The following CCDC91 variants were observed in gnomAD, a reference collection of about 807,000 sequenced individuals.
CCDC91 encodes the protein coiled-coil domain-containing protein 91.
A neutral mutation model predicts 63.2 loss-of-function variants in CCDC91; 48 were observed. The observed-to-expected ratio is 0.76, with a 90% CI of 0.60 to 0.97. The LOEUF (loss-of-function observed/expected upper bound fraction) is 0.97, where lower values mean the gene tolerates loss of function less well. CCDC91 is among the 50% of genes least tolerant of loss of function. The pLI, the probability that CCDC91 is intolerant of heterozygous loss-of-function variation, is 0.00. For missense variants in CCDC91, 500 were observed against 494.6 expected (o/e 1.01, Z -0.10); for synonymous variants, 167 against 165.8 (o/e 1.01, Z -0.06).
At chr12:28,260,016 C>T (rs1386606517) in intron 3 of CCDC91, among the ~76,000 whole-genome samples, 1 of 151,870 alleles carries the variant, frequency 6.6e-6, no homozygotes, top group East Asian at 1.9e-4. Context: ...AAAGTATTTT[C>T]TTCAACAGCT....
At chr12:28,229,748 C>G (rs1944474529) in intron 1 of CCDC91, among the ~76,000 whole-genome samples, 1 of 152,032 alleles carries the variant, frequency 6.6e-6, no homozygotes, top group Non-Finnish European at 1.5e-5. Flanking sequence ...GAGTCAGTTT[C>G]CTATCCCTAA....
chr12:28,268,886 C>T (rs1164219185), intron 3 of CCDC91, among the ~76,000 whole-genome samples: 1 of 152,164 alleles, frequency 6.6e-6, no homozygotes, highest in East Asian at 1.9e-4. Flanking sequence ...ACCTCCATCA[C>T]TCACTTCCTC....
intron 8 of CCDC91, among the ~76,000 whole-genome samples, chr12:28,447,993 C>G (rs1286703742): frequency 2.0e-5 from 3 of 151,960 alleles, no homozygotes; most frequent in African/African-American, 2.4e-5. Flanking sequence ...ATAGATTACT[C>G]TTATTCTGTT....
intron 12 of CCDC91, among the ~76,000 whole-genome samples, chr12:28,539,021 G>T (rs1470589551): frequency 6.6e-6 from 1 of 152,136 alleles, no homozygotes; most frequent in East Asian, 1.9e-4. Flanking sequence ...TTTGTCAGAT[G>T]AGTAGGTTGC....
intron 1 of CCDC91, among the ~76,000 whole-genome samples, chr12:28,248,588 T>C (rs1181367790): frequency 6.6e-6 from 1 of 152,122 alleles, no homozygotes; most frequent in Non-Finnish European, 1.5e-5. Context: ...GAGAAGTGTT[T>C]TGAGAAGAAA....
At chr12:28,413,309 T>G (rs1290290227) in intron 8 of CCDC91, among the ~76,000 whole-genome samples, 1 of 152,144 alleles carries the variant, frequency 6.6e-6, no homozygotes, top group Non-Finnish European at 1.5e-5. Context: ...AAAATATTCT[T>G]TCCCCACAGT....
At chr12:28,440,089 T>A (rs1351046665) in intron 8 of CCDC91, among the ~76,000 whole-genome samples, 2 of 152,194 alleles carry the variant, frequency 1.3e-5, no homozygotes, top group African/African-American at 4.8e-5. Flanking sequence ...TGGTATAGAT[T>A]TCAGTTAATT....
At chr12:28,502,835 G>C (rs1036038660) in intron 12 of CCDC91, among the ~76,000 whole-genome samples, 5 of 145,256 alleles carry the variant, frequency 3.4e-5, no homozygotes, top group African/African-American at 1.3e-4. Context: ...AATGGGGAAA[G>C]GATTCCATAT....
chr12:28,206,415 A>G (rs1942854552), intron 1 of CCDC91, among the ~76,000 whole-genome samples: 1 of 152,150 alleles, frequency 6.6e-6, no homozygotes, highest in African/African-American at 2.4e-5. Flanking sequence ...AGAGACCGTT[A>G]GATATTCTAG....
intron 11 of CCDC91, among the ~76,000 whole-genome samples, chr12:28,474,329 A>G (rs555367586): frequency 1.1e-4 from 17 of 152,290 alleles, no homozygotes; most frequent in African/African-American, 3.8e-4. Flanking sequence ...TTATTACTGC[A>G]TCACTATAGT....
chr12:28,415,664 T>TTTGTGTG (rs1947610755), intron 8 of CCDC91, among the ~76,000 whole-genome samples: 2 of 148,404 alleles, frequency 1.3e-5, no homozygotes, highest in African/African-American at 2.5e-5. Flanking sequence ...AGATATATAT[T>TTTGTGTG]TGTGTGTGTG....
In CCDC91 at chr12:28,549,292, G is replaced by T. The variant is rs1044637544; in HGVS notation, c.*119G>T. 1.1e-5 allele frequency: 7 copies of T among 614,176 alleles called. No homozygotes were observed. The highest frequency in any genetic ancestry group is 9.4e-5 in the African/African-American group (5 of 53,436). 38.0% of individuals were successfully genotyped at this position (614,176 alleles called of 1,614,324 possible). A position where few individuals can be genotyped will look rare whatever the true frequency, so the allele number is the denominator to read the frequency against. Reference sequence around the variant, plus strand: ...CCAAATCATGTAGAATTGATTTCCAGTTCAAGGATAAACCAAAACAATATT... The same window carrying T: ...CCAAATCATGTAGAATTGATTTCCATTTCAAGGATAAACCAAAACAATATT... On this transcript the variant is annotated 3_prime_UTR_variant, in exon 13 of 13. Coordinates refer to ENST00000536442, the MANE Select transcript of CCDC91 (RefSeq NM_018318.5).
chr12:28,518,953 A>T (rs1267687080), intron 12 of CCDC91, among the ~76,000 whole-genome samples: 1 of 151,934 alleles, frequency 6.6e-6, no homozygotes, highest in African/African-American at 2.4e-5. Flanking sequence ...GTCGAAGATC[A>T]GTTGGCTATA....
At chr12:28,426,014 T>A (rs1355853964) in intron 8 of CCDC91, among the ~76,000 whole-genome samples, 1 of 152,228 alleles carries the variant, frequency 6.6e-6, no homozygotes, top group African/African-American at 2.4e-5. Context: ...ATTCTGCTCC[T>A]GTAGTCTGTT....
chr12:28,230,546 A>G (rs144765043), intron 1 of CCDC91, among the ~76,000 whole-genome samples: 85 of 152,350 alleles, frequency 5.6e-4, no homozygotes, highest in African/African-American at 1.9e-3. Flanking sequence ...GCATGAGGCT[A>G]ATTTCTACAA....
chr12:28,216,230 A>G (rs530818200), intron 1 of CCDC91, among the ~76,000 whole-genome samples: 25 of 152,204 alleles, frequency 1.6e-4, no homozygotes, highest in Non-Finnish European at 3.7e-4. Context: ...TATGCAGATC[A>G]TTTAAGCTTT....
At chr12:28,454,913 A>G (rs2140384300) in intron 11 of CCDC91, among the ~76,000 whole-genome samples, 1 of 152,110 alleles carries the variant, frequency 6.6e-6, no homozygotes, top group Admixed American at 6.6e-5. Context: ...ATTTCCCACA[A>G]AGGGTATTTG....
At chr12:28,421,516 A>G (rs1313658664) in intron 8 of CCDC91, among the ~76,000 whole-genome samples, 7 of 148,734 alleles carry the variant, frequency 4.7e-5, no homozygotes, top group Admixed American at 4.7e-4. Flanking sequence ...GGCTCCATCC[A>G]TGCTGCAGCA....
At chr12:28,409,046 A>G (rs576249777) in intron 8 of CCDC91, among the ~76,000 whole-genome samples, 5 of 152,284 alleles carry the variant, frequency 3.3e-5, no homozygotes, top group African/African-American at 1.2e-4. Flanking sequence ...GTATAAAAGG[A>G]TGTTGTTGCA....
Sources: gnomAD v4.1 joint callset for allele counts (sites outside exome capture counted in the v4.1 genomes callset) on GRCh38, gnomAD v4.1.1 for gene constraint, MANE v1.5 for transcripts, NCBI Gene and HGNC (gene_info 2026-07-23, HGNC 2026-07-21) for gene names.